The following ACACA variants were observed in gnomAD, a reference collection of about 807,000 sequenced individuals.
ACACA encodes acetyl-CoA carboxylase alpha.
In ACACA, 103 loss-of-function variants were observed where a neutral mutation model predicts 296.1. The observed-to-expected ratio is 0.35, with a 90% confidence interval of 0.30 to 0.41. ACACA has a LOEUF of 0.41. ACACA is among the 10% of genes least tolerant of loss of function. ACACA has a pLI of 1.00. For synonymous variants in ACACA, 953 were observed against 1,038.6 expected (o/e 0.92, Z 1.58); for missense variants, 1,554 against 2,989.7 (o/e 0.52, Z 11.20).
intron 21 of ACACA, 134 bp downstream of exon 21, chr17:37,244,454 A>C (rs1598296659): frequency 1.9e-6 from 2 of 1,035,394 alleles, no homozygotes; most frequent in East Asian, 2.4e-5. Context: ...AAGTCCCACA[A>C]CTGAAGGTGA....
chr17:37,142,398 A>C (rs532673377), intron 45 of ACACA, among the ~76,000 whole-genome samples: 1 of 152,374 alleles, frequency 6.6e-6, no homozygotes, highest in Admixed American at 6.5e-5. Context: ...AAAAACAAAC[A>C]AAATAATCCC....
Position 37,308,127 on chromosome 17 carries a change from G to A in ACACA, c.338+22046C>T, listed in dbSNP as rs147951375. Among the ~76,000 whole-genome samples the A allele has an allele frequency of 3.4e-4, 51 of 152,136 alleles. No homozygotes were observed. In the South Asian group the frequency reaches 8.9e-3, roughly 27 times the overall value. ...TTTCAAAGGTCTGAAATCACATAGC[G>A]TATATGCTCTGAACACAATGGATTA... is the stretch of plus-strand genomic sequence containing the variant. On this transcript the variant is annotated intron_variant, in intron 3 of 55. Transcript: ENST00000616317.
intron 45 of ACACA, among the ~76,000 whole-genome samples, chr17:37,143,220 T>C (rs2075669492): frequency 6.6e-6 from 1 of 151,710 alleles, no homozygotes; most frequent in African/African-American, 2.4e-5. Context: ...TTTTTTTTTT[T>C]TAACTAATAA....
intron 5 of ACACA, among the ~76,000 whole-genome samples, chr17:37,281,029 TA>T (rs2082499971): frequency 6.6e-6 from 1 of 151,882 alleles, no homozygotes; most frequent in Non-Finnish European, 1.5e-5. Flanking sequence ...TGGTTAGACA[TA>T]ATCTCTTTCA....
intron 54 of ACACA, among the ~76,000 whole-genome samples, chr17:37,090,816 C>T (rs1055280573): frequency 7.2e-5 from 11 of 152,008 alleles, no homozygotes; most frequent in African/African-American, 2.7e-4. Flanking sequence ...TGGCAATTTA[C>T]TCTTCTGCTC....
At chr17:37,237,240 C>A (rs897478442) in intron 24 of ACACA, among the ~76,000 whole-genome samples, 3 of 152,090 alleles carry the variant, frequency 2.0e-5, no homozygotes, top group African/African-American at 7.2e-5. Context: ...TAGGAATATA[C>A]CAGACTTCAA....
At chr17:37,095,995 C>T (rs2072965069) in intron 54 of ACACA, among the ~76,000 whole-genome samples, 1 of 152,144 alleles carries the variant, frequency 6.6e-6, no homozygotes, top group Non-Finnish European at 1.5e-5. Context: ...CGAGCCCTCT[C>T]TGTGAGATCA....
chr17:37,358,932 C>T lies in ACACA; in HGVS notation c.39-19082G>A, dbSNP rs540808571. On this transcript the variant is annotated intron_variant, in intron 1 of 55. Transcript: ENST00000616317. ...TGGGAGGCGGCCCCCTGCCTGCCGC[C>T]GCCCCTCCCTTGGCCCCAGTTTCTC... 3.0e-6 allele frequency: 3 copies of T among 986,106 alleles called. No individual in the cohort carries two copies. The South Asian group carries it at 1.4e-4, about 46-fold the overall frequency. The allele number at this position is 986,106 out of a possible 1,614,324, so 61.1% of individuals were successfully genotyped here. A position where few individuals can be genotyped will look rare whatever the true frequency, so the allele number is the denominator to read the frequency against.
chr17:37,291,393 C>A (rs946830999), intron 3 of ACACA, among the ~76,000 whole-genome samples: 3 of 151,978 alleles, frequency 2.0e-5, no homozygotes, highest in Non-Finnish European at 4.4e-5. Context: ...TCAGGCTGGT[C>A]TCGAGCTCCC....
At chr17:37,188,230 C>G (rs2077611929) in intron 39 of ACACA, 47 bp downstream of exon 39, 1 of 1,575,642 alleles carries the variant, frequency 6.3e-7, no homozygotes, top group Non-Finnish European at 8.7e-7. Flanking sequence ...AGTGTCTTAT[C>G]TGTAGGACCA....
intron 39 of ACACA, among the ~76,000 whole-genome samples, chr17:37,183,806 A>AG (rs1567778535): frequency 2.0e-5 from 3 of 151,108 alleles, no homozygotes; most frequent in African/African-American, 4.8e-5. Flanking sequence ...GGAAAAAAAA[A>AG]AAAGAAAGAA....
At chr17:37,356,600 G>A (rs1013167996) in intron 1 of ACACA, among the ~76,000 whole-genome samples, 2 of 151,994 alleles carry the variant, frequency 1.3e-5, no homozygotes, top group African/African-American at 4.8e-5. Context: ...GGATGGTGTC[G>A]ATCTCCAGAC....
rs2072130083 is a variant in ACACA, at chr17:37,085,342, C to T, written c.*1974G>A. ...CAGGGTTCTAGAGAGGAAACATACTCGTTTGTGTCATAATTTGGTGGGGAG... is the reference window on the plus strand; with the variant it reads ...CAGGGTTCTAGAGAGGAAACATACTTGTTTGTGTCATAATTTGGTGGGGAG... On this transcript the variant is annotated 3_prime_UTR_variant, in exon 56 of 56. Transcript: ENST00000616317. The T allele has an allele frequency of 5.9e-6, 2 of 341,446 alleles. No homozygotes were observed. Among genetic ancestry groups the T allele is most frequent in the African/African-American group, 4.2e-5 (2 of 47,376 alleles). The allele number at this position is 341,446 out of a possible 1,614,324, so 21.2% of individuals were successfully genotyped here.
chr17:37,354,320 C>T (rs886311237), intron 1 of ACACA, among the ~76,000 whole-genome samples: 11 of 152,160 alleles, frequency 7.2e-5, no homozygotes, highest in African/African-American at 2.2e-4. Flanking sequence ...GGCCACCAAC[C>T]TTTAGGCAGG....
At position 37,260,290 on chromosome 17, in the gene ACACA, ATATATATTTTTTTT is replaced by A. The variant is rs1459908097; in HGVS notation, c.1330-774_1330-761del. Among the ~76,000 whole-genome samples the A allele has an allele frequency of 4.2e-3, 73 of 17,560 alleles. 1 individual carries two copies. The highest frequency in any genetic ancestry group is 6.0e-3 in the Non-Finnish European group (60 of 9,986). 11.5% of individuals were successfully genotyped at this position (17,560 alleles called of 152,430 possible). On this transcript the variant is annotated intron_variant, in intron 11 of 55. Coordinates refer to ENST00000616317, the MANE Select transcript of ACACA (RefSeq NM_198834.3). ...TATATATATATATATATATATATAT[ATATATATTTTTTTT>A]TTTTTTTTTTTTGGAGATGGAGTCT...
At chr17:37,264,245 T>C (rs1214098873) in intron 10 of ACACA, among the ~76,000 whole-genome samples, 1 of 152,236 alleles carries the variant, frequency 6.6e-6, no homozygotes, top group Non-Finnish European at 1.5e-5. Flanking sequence ...ATGTACAACT[T>C]GTTCCAGACA....
At chr17:37,229,841 G>A (rs986911686) in intron 25 of ACACA, among the ~76,000 whole-genome samples, 3 of 150,126 alleles carry the variant, frequency 2.0e-5, no homozygotes, top group Non-Finnish European at 3.0e-5. Flanking sequence ...AGGCCGAGGT[G>A]GGCGGATTAC....
chr17:37,216,144 A>C (rs1401723110), intron 29 of ACACA, among the ~76,000 whole-genome samples: 6 of 135,546 alleles, frequency 4.4e-5, no homozygotes, highest in Admixed American at 8.0e-5. Flanking sequence ...ACACACACAC[A>C]CACACACACA....
At chr17:37,379,117 T>C (rs1299992300) in intron 1 of ACACA, 49 of 1,601,598 alleles carry the variant, frequency 3.1e-5, no homozygotes, top group Non-Finnish European at 4.1e-5. Flanking sequence ...CATTTTTCTA[T>C]CTGGTTCTTC....
Sources: gnomAD v4.1 joint callset for allele counts (sites outside exome capture counted in the v4.1 genomes callset) on GRCh38, gnomAD v4.1.1 for gene constraint, MANE v1.5 for transcripts, NCBI Gene and HGNC (gene_info 2026-07-23, HGNC 2026-07-21) for gene names.